The following MEG3 variants were observed in gnomAD, a reference collection of about 807,000 sequenced individuals.
The protein encoded by MEG3 is Very putative protein from MEG3 locus.
chr14:100,841,857 C>T (rs1025483261), intron 2 of MEG3, among the ~76,000 whole-genome samples: 9 of 152,180 alleles, frequency 5.9e-5, no homozygotes, highest in Non-Finnish European at 8.8e-5. Flanking sequence ...AGGAGATGTT[C>T]GTTCCCCCAA....
At chr14:100,846,447 G>T (rs900619531) in intron 3 of MEG3, 1 of 152,206 alleles carries the variant, frequency 6.6e-6, no homozygotes, top group Non-Finnish European at 1.5e-5. Context: ...CTCTGCATCC[G>T]CCATTTGTGT....
upstream of MEG3, chr14:100,852,333 C>T (rs534387394): frequency 1.3e-5 from 7 of 531,994 alleles, no homozygotes; most frequent in East Asian, 3.3e-4. Context: ...GCTTCTAGCT[C>T]CGGCCGAGTG....
At position 100,834,837 on chromosome 14, in the gene MEG3, G is replaced by A. The variant is rs145866833; in HGVS notation, n.1869G>A. On this transcript the variant is annotated non_coding_transcript_exon_variant, in exon 1 of 4. Coordinates refer to the MEG3 transcript ENST00000398461. ...TTCTAGGTGCAAAGGCTGGAGGGTG[G>A]AATTCATTTTTGAGAGGTGTGTGAG... is the stretch of plus-strand genomic sequence containing the variant. 2.7e-3 allele frequency: 1,214 copies of A among 456,432 alleles called. 1 individual carries two copies. Among genetic ancestry groups the A allele is most frequent in the Non-Finnish European group, 4.1e-3 (924 of 226,826 alleles). The allele number at this position is 456,432 out of a possible 1,614,324, so 28.3% of individuals were successfully genotyped here.
At chr14:100,860,780 G>C in exon 2 of MEG3, 1 of 450,054 alleles carries the variant, frequency 2.2e-6, no homozygotes, top group South Asian at 1.6e-5. Context: ...CTTGAGTAGA[G>C]ACCCGCCCTC....
At chr14:100,854,897 T>G (rs1431759881), upstream of MEG3, 1 of 152,698 alleles carries the variant, frequency 6.5e-6, no homozygotes, top group Non-Finnish European at 1.5e-5. Flanking sequence ...ACATTTTGGA[T>G]CAGGACTGAT....
intron 2 of MEG3, among the ~76,000 whole-genome samples, chr14:100,843,816 G>A (rs2037830337): frequency 6.7e-6 from 1 of 149,602 alleles, no homozygotes; most frequent in African/African-American, 2.5e-5. Context: ...GCTGGAGTCA[G>A]GTGTCTCCCG....
intron 2 of MEG3, among the ~76,000 whole-genome samples, chr14:100,843,133 G>A (rs2037808186): frequency 6.6e-6 from 1 of 152,170 alleles, no homozygotes; most frequent in South Asian, 2.1e-4. Flanking sequence ...GTTAATTAAG[G>A]ACGGTCAGGG....
intron 2 of MEG3, among the ~76,000 whole-genome samples, chr14:100,843,476 C>T (rs1169743950): frequency 6.6e-6 from 1 of 150,528 alleles, no homozygotes; most frequent in African/African-American, 2.5e-5. Context: ...CCGAAGTCGG[C>T]CCCTCAGTCA....
At position 100,845,082 on chromosome 14, in the gene MEG3, G is replaced by A. The variant is rs537938783; in HGVS notation, n.3046-376G>A. Among the ~76,000 whole-genome samples, 3 of 152,266 alleles carry A rather than the reference G, an allele frequency of 2.0e-5. No individual in the cohort carries two copies. In the East Asian group the frequency reaches 5.8e-4, roughly 29 times the overall value. ...TCCAGGGCCAGCCATCCTGCTCGCC[G>A]ACCTGGGCACCTTGCTTCTGCCAGA... On this transcript the variant is annotated intron_variant and non_coding_transcript_variant, in intron 2 of 3. Transcript: ENST00000398461. This position sits in a 1 kb window ranked among gnomAD's most constrained non-coding sequence, Gnocchi z 5.2.
Position 100,828,826 on chromosome 14 carries a change from C to A in MEG3, n.480+10C>A, listed in dbSNP as rs1021461834. ...CCATCTACACCTCACGGTACTTCAA[C>A]CCTCCTGCTATCATTTCATAACCAA... On this transcript the variant is annotated intron_variant and non_coding_transcript_variant, in intron 2 of 2. Coordinates refer to ENST00000556407, the Ensembl canonical transcript of MEG3. 3.3e-5 allele frequency: 5 copies of A among 152,230 alleles called. 1 individual carries two copies. The East Asian group carries it at 7.8e-4, about 24-fold the overall frequency. The allele number at this position is 152,230 out of a possible 1,614,324, so 9.4% of individuals were successfully genotyped here.
exon 1 of MEG3, chr14:100,857,773 C>T (rs79048310): frequency 3.1e-4 from 47 of 152,228 alleles, no homozygotes; most frequent in African/African-American, 9.4e-4. Context: ...TCTGTCTGCC[C>T]GGAGGGGTTT....
At chr14:100,849,637 A>G (rs2038011684) in intron 3 of MEG3, 3 of 152,242 alleles carry the variant, frequency 2.0e-5, no homozygotes, top group African/African-American at 7.2e-5. Context: ...AGAAAAACCA[A>G]TAAAAAAGAG....
At chr14:100,834,345 G>T (rs2037488483) in exon 1 of MEG3, 1 of 248,788 alleles carries the variant, frequency 4.0e-6, no homozygotes, top group Admixed American at 5.1e-5. Context: ...ACATTGGAAA[G>T]CCCGGAGAGG....
At position 100,860,159 on chromosome 14, in the gene MEG3, G is replaced by A. The variant is rs141753126; in HGVS notation, n.2915G>A. On this transcript the variant is annotated non_coding_transcript_exon_variant, in exon 1 of 2. Coordinates refer to the MEG3 transcript ENST00000398460. ...GACTCTTGGGCAGAGTGGAGGGCAA[G>A]GGGGAAAGCACCAGCCTGCTCTGGG... 1,060 of 171,460 alleles carry A rather than the reference G, an allele frequency of 6.2e-3. 41 individuals carry two copies. The highest frequency in any genetic ancestry group is 0.045 in the Admixed American group (823 of 18,390). 10.6% of individuals were successfully genotyped at this position (171,460 alleles called of 1,614,324 possible). A position where few individuals can be genotyped will look rare whatever the true frequency, so the allele number is the denominator to read the frequency against.
At chr14:100,847,025 G>T (rs922106906) in intron 3 of MEG3, 10 of 150,404 alleles carry the variant, frequency 6.6e-5, no homozygotes, top group Non-Finnish European at 1.5e-4. Flanking sequence ...ACAAAGAAAG[G>T]TTAAAAAAAA....
chr14:100,848,505 A>G (rs1301432876), intron 3 of MEG3: 4 of 152,228 alleles, frequency 2.6e-5, no homozygotes, highest in Admixed American at 2.6e-4. Context: ...GGCATTGTAG[A>G]CAGGGATGAG....
At chr14:100,851,964 T>C (rs2038093054) in intron 3 of MEG3, 1 of 192,870 alleles carries the variant, frequency 5.2e-6, no homozygotes, top group South Asian at 7.9e-5. Context: ...AAAGTCTCCC[T>C]TGTTGACCTC....
At chr14:100,850,241 G>A (rs1023637916) in intron 3 of MEG3, 5 of 152,342 alleles carry the variant, frequency 3.3e-5, no homozygotes, top group Admixed American at 3.3e-4. Context: ...CCAGCATGAA[G>A]GTGGTGACCG....
chr14:100,838,784 T>C (rs940455218), intron 2 of MEG3, among the ~76,000 whole-genome samples: 8 of 151,912 alleles, frequency 5.3e-5, no homozygotes, highest in African/African-American at 1.9e-4. Flanking sequence ...CCTGGGTGGT[T>C]GGGAAAGGAA....
Sources: allele counts gnomAD v4.1 joint callset (sites outside exome capture counted in the v4.1 genomes callset), GRCh38; gene constraint gnomAD v4.1.1; non-coding constraint Gnocchi (gnomAD v3.1); transcripts MANE v1.5; gene names NCBI Gene and HGNC (gene_info 2026-07-23, HGNC 2026-07-21).